KCNAB1: variants seen among roughly 807,000 people sequenced by gnomAD.
KCNAB1 encodes the protein potassium voltage-gated channel subfamily A regulatory beta subunit 1, also known as voltage-gated potassium channel subunit beta-1.
In KCNAB1, 35 loss-of-function variants were observed where a neutral mutation model predicts 64.6. The ratio of observed to expected loss-of-function variants is 0.54; its 90% CI spans 0.41 to 0.72. KCNAB1 has a LOEUF of 0.72. Ranked by LOEUF, KCNAB1 falls within the 30% of genes least tolerant of loss-of-function variation. The probability of loss-of-function intolerance (pLI) is 0.00; values close to 1 mark genes in which losing one functional copy is unlikely to be tolerated. For synonymous variants in KCNAB1, 177 were observed against 183.8 expected (o/e 0.96, Z 0.30); for missense variants, 401 against 512.9 (o/e 0.78, Z 2.11).
At chr3:156,275,076 T>C (rs1719260624) in intron 1 of KCNAB1, among the ~76,000 whole-genome samples, 2 of 152,208 alleles carry the variant, frequency 1.3e-5, no homozygotes, top group East Asian at 3.8e-4. Context: ...TCTATGAGTT[T>C]TACTATTTCA....
chr3:156,189,468 G>A (rs577681000), intron 1 of KCNAB1, among the ~76,000 whole-genome samples: 1 of 152,350 alleles, frequency 6.6e-6, no homozygotes, highest in African/African-American at 2.4e-5. Flanking sequence ...ATTATGGCCA[G>A]TGTGTGCTAT....
chr3:156,304,095 T>C lies in KCNAB1; in HGVS notation c.276-117521T>C, dbSNP rs1219899953. ...GGCCTTACTTTAATAATGATTAATT[T>C]TAGAAATAGAACATTCGTAAAATGT... On this transcript the variant is annotated intron_variant, in intron 1 of 13. Transcript: ENST00000490337. Among the ~76,000 whole-genome samples, 4 of 152,226 alleles carry C rather than the reference T, an allele frequency of 2.6e-5. No homozygotes were observed. The East Asian group carries it at 7.7e-4, about 29-fold the overall frequency.
At chr3:156,521,372 C>T (rs535648260) in intron 11 of KCNAB1, among the ~76,000 whole-genome samples, 112 of 152,202 alleles carry the variant, frequency 7.4e-4, no homozygotes, top group African/African-American at 2.6e-3. Context: ...ATCTGAAAAA[C>T]GGGAAGAGAT....
At position 156,369,090 on chromosome 3, in the gene KCNAB1, T is replaced by G. The variant is rs1038792906; in HGVS notation, c.276-52526T>G. Among the ~76,000 whole-genome samples the G allele has an allele frequency of 3.9e-5, 6 of 152,320 alleles. No homozygotes were observed. In the East Asian group the frequency reaches 1.2e-3, roughly 29 times the overall value. ...CACCCACTGCCTCCCTAGAAGATTT[T>G]CTCATATCTGTTCCCAGTCAATATC... On this transcript the variant is annotated intron_variant, in intron 1 of 13. Coordinates refer to ENST00000490337, the MANE Select transcript of KCNAB1 (RefSeq NM_172160.3).
chr3:156,216,122 G>T (rs1387470793), intron 1 of KCNAB1, among the ~76,000 whole-genome samples: 1 of 152,166 alleles, frequency 6.6e-6, no homozygotes, highest in African/African-American at 2.4e-5. Context: ...GAGGTCTGCT[G>T]ACTTTTATTA....
At chr3:156,360,198 G>C (rs1338766384) in intron 1 of KCNAB1, among the ~76,000 whole-genome samples, 1 of 152,138 alleles carries the variant, frequency 6.6e-6, no homozygotes, top group African/African-American at 2.4e-5. Context: ...TAATCAACTA[G>C]TCACATCATT....
At chr3:156,183,887 G>A (rs1713026537) in intron 1 of KCNAB1, among the ~76,000 whole-genome samples, 1 of 152,108 alleles carries the variant, frequency 6.6e-6, no homozygotes, top group Non-Finnish European at 1.5e-5. Flanking sequence ...AGGTTGCGTG[G>A]GCTTGGCCAC....
intron 1 of KCNAB1, among the ~76,000 whole-genome samples, chr3:156,365,952 T>G (rs1022612878): frequency 6.6e-6 from 1 of 152,214 alleles, no homozygotes; most frequent in Non-Finnish European, 1.5e-5. Flanking sequence ...GTGGGCTCAC[T>G]GTTTAGAAAG....
intron 1 of KCNAB1, among the ~76,000 whole-genome samples, chr3:156,201,105 A>G (rs191738938): frequency 2.4e-4 from 36 of 152,240 alleles, no homozygotes; most frequent in South Asian, 1.0e-3. Context: ...AGGTGAGGCG[A>G]TGCCCCACCC....
chr3:156,143,896 C>T (rs1242306697), intron 1 of KCNAB1, among the ~76,000 whole-genome samples: 1 of 137,340 alleles, frequency 7.3e-6, no homozygotes, highest in Non-Finnish European at 1.5e-5. Flanking sequence ...CTTGAAATGA[C>T]AGCACTTTAT....
chr3:156,406,909 T>C (rs1002922352), intron 1 of KCNAB1, among the ~76,000 whole-genome samples: 9 of 152,146 alleles, frequency 5.9e-5, no homozygotes, highest in African/African-American at 1.9e-4. Flanking sequence ...AGGTTCCAAA[T>C]ACCAAAACCC....
chr3:156,297,374 T>G (rs1179143481), intron 1 of KCNAB1, among the ~76,000 whole-genome samples: 1 of 151,170 alleles, frequency 6.6e-6, no homozygotes, highest in Non-Finnish European at 1.5e-5. Flanking sequence ...GGGTAAGATA[T>G]TTAGACACGA....
chr3:156,491,007 C>T (rs1715592060), intron 8 of KCNAB1, among the ~76,000 whole-genome samples: 1 of 152,106 alleles, frequency 6.6e-6, no homozygotes, highest in South Asian at 2.1e-4. Context: ...TCAACAGCAA[C>T]ATGGGGAACC....
chr3:156,176,884 G>T lies in KCNAB1; in HGVS notation c.275+55998G>T, dbSNP rs1360411868. The T allele has an allele frequency of 1.0e-5, 12 of 1,161,126 alleles. No individual in the cohort carries two copies. In the African/African-American group the frequency reaches 1.7e-4, roughly 16 times the overall value. 71.9% of individuals were successfully genotyped at this position (1,161,126 alleles called of 1,614,324 possible). On this transcript the variant is annotated intron_variant, in intron 1 of 13. Coordinates refer to ENST00000490337, the MANE Select transcript of KCNAB1 (RefSeq NM_172160.3). Reference sequence around the variant, plus strand: ...TTGACTGGGACCAGCGGTAACTCTGGGCCTGTACGCTTCTGCTGTTCTATC... The same window carrying T: ...TTGACTGGGACCAGCGGTAACTCTGTGCCTGTACGCTTCTGCTGTTCTATC...
At chr3:156,440,912 G>T (rs1716945785) in intron 2 of KCNAB1, among the ~76,000 whole-genome samples, 1 of 152,030 alleles carries the variant, frequency 6.6e-6, no homozygotes, top group Non-Finnish European at 1.5e-5. Flanking sequence ...TTGGGTTTTT[G>T]TTAAATTATC....
intron 1 of KCNAB1, among the ~76,000 whole-genome samples, chr3:156,153,140 A>G (rs1014761150): frequency 3.3e-5 from 5 of 152,128 alleles, no homozygotes; most frequent in Admixed American, 6.5e-5. Context: ...TAAACCTTCA[A>G]TGTTCACTGG....
At chr3:156,367,924 CCAAA>C (rs772670854) in intron 1 of KCNAB1, among the ~76,000 whole-genome samples, 3 of 152,162 alleles carry the variant, frequency 2.0e-5, no homozygotes, top group Admixed American at 6.5e-5. Flanking sequence ...ATCCCAAACT[CCAAA>C]CAAACAATGT....
intron 1 of KCNAB1, among the ~76,000 whole-genome samples, chr3:156,394,455 T>C (rs1487070463): frequency 6.6e-6 from 1 of 152,172 alleles, no homozygotes; most frequent in Non-Finnish European, 1.5e-5. Context: ...TCACACAATG[T>C]TGACTCTGGG....
intron 1 of KCNAB1, among the ~76,000 whole-genome samples, chr3:156,178,935 A>C (rs932791928): frequency 7.0e-6 from 1 of 143,272 alleles, no homozygotes; most frequent in Non-Finnish European, 1.5e-5. Flanking sequence ...TGGGAGGCGG[A>C]GCTTGCAGTG....
Sources: gnomAD v4.1 joint callset for allele counts (sites outside exome capture counted in the v4.1 genomes callset) on GRCh38, gnomAD v4.1.1 for gene constraint, MANE v1.5 for transcripts, NCBI Gene and HGNC (gene_info 2026-07-23, HGNC 2026-07-21) for gene names.